TBCD: variants seen among roughly 807,000 people sequenced by gnomAD.
TBCD encodes the protein tubulin folding cofactor D, also known as tubulin-specific chaperone D.
In TBCD, 105 loss-of-function variants were observed where a neutral mutation model predicts 169.3. That is an observed-to-expected ratio of 0.62 (90% CI 0.53 to 0.73). TBCD has a LOEUF of 0.73. Ranked by LOEUF, TBCD falls within the 30% of genes least tolerant of loss-of-function variation. The pLI is 0.00. For synonymous variants in TBCD, 700 were observed against 643.9 expected, an observed-to-expected ratio of 1.09 and a Z score of -1.32; for missense variants, 1,444 against 1,600.1, an observed-to-expected ratio of 0.90 and a Z score of 1.66.
At chr17:82,911,830 C>T (rs12601746) in intron 23 of TBCD, 41 bp downstream of exon 23, 43 of 1,610,344 alleles carry the variant, frequency 2.7e-5, no homozygotes, top group South Asian at 4.4e-5. Context: ...AGCCCTTTGC[C>T]GCAGCCATCG....
intron 13 of TBCD, among the ~76,000 whole-genome samples, chr17:82,834,865 G>C (rs2053831656): frequency 6.6e-6 from 1 of 151,830 alleles, no homozygotes; most frequent in South Asian, 2.1e-4. Context: ...TTGTGTCCTG[G>C]AACTTAAAGT....
intron 15 of TBCD, among the ~76,000 whole-genome samples, chr17:82,887,703 C>T (rs531105689): frequency 7.2e-5 from 11 of 152,312 alleles, no homozygotes; most frequent in East Asian, 1.9e-4. Context: ...CATTCACGTT[C>T]GCACCACCAC....
chr17:82,923,312 T>C lies in TBCD; in HGVS notation c.2179-340T>C, dbSNP rs1241138709. 6.6e-6 allele frequency among the ~76,000 whole-genome samples: 1 copy of C among 152,202 alleles called. No homozygotes were observed. Among genetic ancestry groups the C allele is most frequent in the African/African-American group, 2.4e-5 (1 of 41,464 alleles). On this transcript the variant is annotated intron_variant, in intron 25 of 38. Coordinates refer to ENST00000355528, the MANE Select transcript of TBCD (RefSeq NM_005993.5). The surrounding 1 kb of genome is among the most constrained non-coding windows in gnomAD (Gnocchi z 4.6). ...AGTGATGCGTGTATCTGACAGATGA[T>C]GGTGAGCAGGCGTGCTGGAAAGGAG... is the stretch of plus-strand genomic sequence containing the variant.
intron 7 of TBCD, among the ~76,000 whole-genome samples, chr17:82,791,091 CTT>C (rs35648641): frequency 2.4e-5 from 3 of 124,606 alleles, no homozygotes. Context: ...TCTCTTGCAT[CTT>C]TTTTTTTTTT....
chr17:82,940,604 G>A (rs1190220093), intron 37 of TBCD, among the ~76,000 whole-genome samples: 2 of 152,192 alleles, frequency 1.3e-5, no homozygotes, highest in African/African-American at 4.8e-5. Context: ...CTTCCGCGAG[G>A]TTTTCTGGTT....
At chr17:82,775,739 T>G in intron 6 of TBCD, among the ~76,000 whole-genome samples, 1 of 84,792 alleles carries the variant, frequency 1.2e-5, no homozygotes. Flanking sequence ...TGGGGACTGT[T>G]GTGGGGTGGG....
In TBCD at chr17:82,806,793, C is replaced by T. The variant is rs906691265; in HGVS notation, c.1087+782C>T. Among the ~76,000 whole-genome samples, 3 of 152,324 alleles carry T rather than the reference C, an allele frequency of 2.0e-5. No homozygotes were observed. The highest frequency in any genetic ancestry group is 2.4e-5 in the African/African-American group (1 of 41,570). On this transcript the variant is annotated intron_variant, in intron 10 of 38. Coordinates refer to ENST00000355528, the MANE Select transcript of TBCD (RefSeq NM_005993.5). This position sits in a 1 kb window ranked among gnomAD's most constrained non-coding sequence, Gnocchi z 5.1. ...GCGCCTGTGGCACCGTTGCCAGCCC[C>T]GAGCCAGCATCCACTCCGGCCCTTC...
intron 3 of TBCD, among the ~76,000 whole-genome samples, chr17:82,765,629 T>G (rs583164): frequency 0.39 from 59,939 of 151,858 alleles, 11,863 homozygotes; most frequent in Middle Eastern, 0.43. Context: ...CTGTAGCTCC[T>G]CTGTTTGAGG....
In TBCD at chr17:82,927,194, A is replaced by G; in HGVS notation, c.2480A>G (p.Gln827Arg). 6.2e-7 allele frequency: 1 copy of G among 1,613,836 alleles called. No homozygotes were observed. Among genetic ancestry groups the G allele is most frequent in the South Asian group, 1.1e-5 (1 of 91,036 alleles). The change falls in exon 29 of 39, where the codon CAG (glutamine) becomes CGG (arginine). Residue 827 changes from glutamine to arginine, a missense_variant. Physicochemically the swap from Gln to Arg is conservative, Grantham distance 43 (BLOSUM62 1). Transcript: ENST00000355528. The stretch of plus-strand genomic sequence containing the variant: ...CACATTTTAAATTTCAGGATTTGCC[A>G]GACTGTTGGTGTGAAAGCAGGAGCC... Reference protein sequence around the residue: ...DGLKAIARICQTVGVKAGAPD... With the variant: ...DGLKAIARICRTVGVKAGAPD...
intron 14 of TBCD, among the ~76,000 whole-genome samples, chr17:82,879,488 TCCTCAC>T (rs1181455898): frequency 6.6e-6 from 1 of 152,230 alleles, no homozygotes; most frequent in Admixed American, 6.5e-5. Flanking sequence ...CTGTGCATCC[TCCTCAC>T]CCTGGGCATA....
At chr17:82,850,157 G>C (rs2055609614) in intron 13 of TBCD, among the ~76,000 whole-genome samples, 1 of 104,500 alleles carries the variant, frequency 9.6e-6, no homozygotes, top group South Asian at 3.0e-4. Context: ...TGTTGGCTGT[G>C]CTGTTGTTGC....
At chr17:82,940,211 T>TCGCGCG (rs1491321727) in intron 37 of TBCD, among the ~76,000 whole-genome samples, 11 of 115,862 alleles carry the variant, frequency 9.5e-5, no homozygotes, top group African/African-American at 3.6e-4. Context: ...ACATGCTCAC[T>TCGCGCG]TGCACGCGCG....
rs371385314 is a variant in TBCD at position 82,763,946 on chromosome 17, T to C, written c.236-19T>C. ...TGATGTTCACTTTTACAGTAAATGTTTCCTATGTTTTTCCCTAGAATGGAT... is the reference window on the plus strand; with the variant it reads ...TGATGTTCACTTTTACAGTAAATGTCTCCTATGTTTTTCCCTAGAATGGAT... On this transcript the variant is annotated intron_variant, in intron 2 of 38. Coordinates refer to ENST00000355528, the MANE Select transcript of TBCD (RefSeq NM_005993.5). 130 of 1,605,192 alleles carry C rather than the reference T, an allele frequency of 8.1e-5. 1 individual carries two copies. The highest frequency in any genetic ancestry group is 9.7e-5 in the Non-Finnish European group (114 of 1,172,678).
intron 6 of TBCD, 33 bp from the exon 7 acceptor site, chr17:82,781,556 T>A (rs761779865): frequency 6.2e-7 from 1 of 1,612,076 alleles, no homozygotes; most frequent in Admixed American, 1.7e-5. Context: ...GTCTCAGTGC[T>A]GAGGCCTTGG....
chr17:82,809,279 C>T (rs2057539862), intron 11 of TBCD, among the ~76,000 whole-genome samples: 1 of 152,146 alleles, frequency 6.6e-6, no homozygotes, highest in South Asian at 2.1e-4. Flanking sequence ...CCTCAGGCGG[C>T]CTCCATGTGG....
intron 14 of TBCD, among the ~76,000 whole-genome samples, chr17:82,878,430 T>G (rs989073369): frequency 2.6e-5 from 4 of 152,206 alleles, no homozygotes; most frequent in African/African-American, 4.8e-5. Flanking sequence ...CAGCCTGCTT[T>G]CCGCCCCTGT....
chr17:82,812,892 T>G (rs2051559892), intron 12 of TBCD, among the ~76,000 whole-genome samples: 1 of 152,196 alleles, frequency 6.6e-6, no homozygotes. Flanking sequence ...CCATGATAGC[T>G]CACTGCGGCC....
rs2053706159 is a variant in TBCD, at chr17:82,833,643, C to T, written c.1318+18709C>T. On this transcript the variant is annotated intron_variant, in intron 13 of 38. Transcript: ENST00000355528. This position sits in a 1 kb window ranked among gnomAD's most constrained non-coding sequence, Gnocchi z 4.7. ...CCAGCAGCGCCTGCCCGTCCAGATG[C>T]ACCACCAAATGGAAGAACCAAAGCT... is the stretch of plus-strand genomic sequence containing the variant. Among the ~76,000 whole-genome samples the T allele has an allele frequency of 6.6e-6, 1 of 152,216 alleles. No individual in the cohort carries two copies. The highest frequency in any genetic ancestry group is 1.5e-5 in the Non-Finnish European group (1 of 68,046).
Position 82,880,266 on chromosome 17 carries a change from T to C in TBCD, c.1476-3879T>C, listed in dbSNP as rs909300339. ...TGGGCTCAAGGGATCCTCCTGCCTC[T>C]GCCTCCCACAGACAGATGGAGCACA... is the stretch of plus-strand genomic sequence containing the variant. On this transcript the variant is annotated intron_variant, in intron 14 of 38. Transcript: ENST00000355528. This position sits in a 1 kb window ranked among gnomAD's most constrained non-coding sequence, Gnocchi z 5.0. Among the ~76,000 whole-genome samples, 2 of 152,190 alleles carry C rather than the reference T, an allele frequency of 1.3e-5. No individual in the cohort carries two copies. The highest frequency in any genetic ancestry group is 2.9e-5 in the Non-Finnish European group (2 of 68,024).
Sources: allele counts gnomAD v4.1 joint callset (sites outside exome capture counted in the v4.1 genomes callset), GRCh38; gene constraint gnomAD v4.1.1; non-coding constraint Gnocchi (gnomAD v3.1); transcripts MANE v1.5; gene names NCBI Gene and HGNC (gene_info 2026-07-23, HGNC 2026-07-21).